The following LRRFIP2 variants were observed in gnomAD, a reference collection of about 807,000 sequenced individuals.
LRRFIP2 encodes the protein LRR binding FLII interacting protein 2, also known as leucine-rich repeat flightless-interacting protein 2.
In LRRFIP2, 109 loss-of-function variants were observed where a neutral mutation model predicts 125.9. The observed-to-expected ratio is 0.87, with a 90% confidence interval of 0.74 to 1.01. LRRFIP2 has a LOEUF of 1.01. LRRFIP2 is among the 50% of genes least tolerant of loss of function. The probability of loss-of-function intolerance (pLI) is 0.00; values close to 1 mark genes in which losing one functional copy is unlikely to be tolerated. For missense variants in LRRFIP2, 850 were observed against 862.3 expected (o/e 0.99, Z 0.18); for synonymous variants, 291 against 293.1 (o/e 0.99, Z 0.07).
At chr3:37,076,815 GAGA>G (rs1431880576) in intron 19 of LRRFIP2, among the ~76,000 whole-genome samples, 1 of 150,766 alleles carries the variant, frequency 6.6e-6, no homozygotes, top group African/African-American at 2.4e-5. Flanking sequence ...GTGGTGAGCC[GAGA>G]TTGCGCCATT....
chr3:37,155,408 G>A (rs956657008), intron 1 of LRRFIP2, among the ~76,000 whole-genome samples: 2 of 152,112 alleles, frequency 1.3e-5, no homozygotes, highest in African/African-American at 4.8e-5. Context: ...CATGCTAAGA[G>A]TTTCTGCTAT....
rs952720211 is a variant in LRRFIP2, at chr3:37,053,883, C to G, written c.2134G>C (p.Ala712Pro). 3 of 1,613,942 alleles carry G rather than the reference C, an allele frequency of 1.9e-6. No homozygotes were observed. The African/African-American group carries it at 4.0e-5, about 22-fold the overall frequency. The change falls in exon 28 of 28, where the codon GCC becomes CCC. Residue 712 changes from alanine (A) to proline (P), a missense_variant. By Grantham distance (27) the Ala-to-Pro change is conservative (BLOSUM62 -1). Coordinates refer to ENST00000336686, the MANE Select transcript of LRRFIP2 (RefSeq NM_006309.4). The part of the protein sequence containing the change: ...HLAKRLEKMK[A>P]NRTALLAQQ ...TGGGCCAGAAGTGCTGTCCTATTGGCCTTCATCTTCTCCAGCCGCTTGGCC... is the reference window on the plus strand; with the variant it reads ...TGGGCCAGAAGTGCTGTCCTATTGGGCTTCATCTTCTCCAGCCGCTTGGCC...
intron 1 of LRRFIP2, chr3:37,170,835 AG>A (rs1411565642): frequency 6.6e-6 from 1 of 152,192 alleles, no homozygotes; most frequent in Non-Finnish European, 1.5e-5. Flanking sequence ...GCAATTTGGG[AG>A]GCCAAGGTGG....
At chr3:37,142,981 C>T (rs1032337355) in intron 2 of LRRFIP2, among the ~76,000 whole-genome samples, 5 of 152,150 alleles carry the variant, frequency 3.3e-5, no homozygotes, top group African/African-American at 4.8e-5. Context: ...TCCCTCACGA[C>T]GTGGTGCTTT....
rs1436373022 is a variant in LRRFIP2 at position 37,065,948 on chromosome 3, G to A, written c.1567-6C>T. 6.2e-7 allele frequency: 1 copy of A among 1,613,844 alleles called. No homozygotes were observed. The highest frequency in any genetic ancestry group is 8.5e-7 in the Non-Finnish European group (1 of 1,179,906). ...ATTATAACTAAGCCATGTTTCTGCA[G>A]GGGGGAAAAACCCACCATCACAAAA... On this transcript the variant is annotated splice_region_variant and splice_polypyrimidine_tract_variant and intron_variant, in intron 22 of 27. Transcript: ENST00000336686.
At chr3:37,120,533 C>T (rs965576555) in intron 6 of LRRFIP2, among the ~76,000 whole-genome samples, 4 of 151,386 alleles carry the variant, frequency 2.6e-5, no homozygotes, top group Admixed American at 2.0e-4. Context: ...GAACATTCAC[C>T]AAGAAAAACA....
At chr3:37,168,636 G>A (rs2096542252) in intron 1 of LRRFIP2, among the ~76,000 whole-genome samples, 1 of 152,170 alleles carries the variant, frequency 6.6e-6, no homozygotes, top group South Asian at 2.1e-4. Context: ...CCACCGAATT[G>A]TACACTTAAA....
At chr3:37,089,934 T>G (rs1410100100) in intron 18 of LRRFIP2, among the ~76,000 whole-genome samples, 2 of 152,348 alleles carry the variant, frequency 1.3e-5, no homozygotes, top group East Asian at 3.9e-4. Flanking sequence ...TGATATTTAC[T>G]GACAAACTCA....
chr3:37,174,921 C>T (rs1463325159), upstream of LRRFIP2: 1 of 152,164 alleles, frequency 6.6e-6, no homozygotes, highest in East Asian at 1.9e-4. Context: ...TCTTATTCTA[C>T]ATATTATAAT....
At chr3:37,165,834 A>AAAGAAAGAAAGG (rs2096472814) in intron 1 of LRRFIP2, among the ~76,000 whole-genome samples, 2 of 150,322 alleles carry the variant, frequency 1.3e-5, no homozygotes, top group African/African-American at 4.9e-5. Context: ...AGAAAGAAAG[A>AAAGAAAGAAAGG]AAGAAAGAAA....
chr3:37,093,556 C>A (rs2093578174), intron 17 of LRRFIP2, among the ~76,000 whole-genome samples: 1 of 152,152 alleles, frequency 6.6e-6, no homozygotes, highest in Non-Finnish European at 1.5e-5. Flanking sequence ...ATATTTTCTC[C>A]CCTTGCAGTT....
chr3:37,136,677 T>C (rs991852521), intron 2 of LRRFIP2, among the ~76,000 whole-genome samples: 1 of 152,066 alleles, frequency 6.6e-6, no homozygotes. Context: ...ATAGAATATA[T>C]AGTATTTCTC....
chr3:37,073,002 A>G, intron 20 of LRRFIP2, 120 bp from the exon 21 acceptor site: 1 of 620,850 alleles, frequency 1.6e-6, no homozygotes. Flanking sequence ...AAAGTCTGTG[A>G]TGAACAGGAA....
chr3:37,138,917 A>T (rs2095624524), intron 2 of LRRFIP2, among the ~76,000 whole-genome samples: 1 of 152,198 alleles, frequency 6.6e-6, no homozygotes, highest in South Asian at 2.1e-4. Context: ...GCATATCCAA[A>T]CTGCCAGAGT....
intron 7 of LRRFIP2, among the ~76,000 whole-genome samples, chr3:37,113,289 T>G (rs1298282593): frequency 6.6e-6 from 1 of 152,134 alleles, no homozygotes; most frequent in Non-Finnish European, 1.5e-5. Flanking sequence ...CACACCACAC[T>G]TGAGTCCCTC....
intron 9 of LRRFIP2, among the ~76,000 whole-genome samples, chr3:37,110,567 T>C: frequency 6.6e-6 from 1 of 152,196 alleles, no homozygotes; most frequent in East Asian, 1.9e-4. Context: ...GTAAGCTTTT[T>C]TAAAAGGGTA....
At chr3:37,148,628 T>C (rs2095921849) in intron 2 of LRRFIP2, among the ~76,000 whole-genome samples, 1 of 152,256 alleles carries the variant, frequency 6.6e-6, no homozygotes, top group Admixed American at 6.5e-5. Flanking sequence ...CAAAGACCAA[T>C]GCAGTCTGTG....
intron 9 of LRRFIP2, 55 bp downstream of exon 9, chr3:37,110,936 T>G (rs78702397): frequency 5.9e-6 from 9 of 1,525,622 alleles, no homozygotes; most frequent in Non-Finnish European, 8.2e-6. Context: ...ATGGGGAGAT[T>G]AGAAATATGT....
chr3:37,142,271 T>C (rs545662864), intron 2 of LRRFIP2, among the ~76,000 whole-genome samples: 15 of 151,438 alleles, frequency 9.9e-5, no homozygotes, highest in African/African-American at 3.4e-4. Flanking sequence ...CCTGAGTAGC[T>C]GGAACTACAA....
Sources: allele counts gnomAD v4.1 joint callset (sites outside exome capture counted in the v4.1 genomes callset), GRCh38; gene constraint gnomAD v4.1.1; transcripts MANE v1.5; gene names NCBI Gene and HGNC (gene_info 2026-07-23, HGNC 2026-07-21).